CFDP1: variants seen among roughly 807,000 people sequenced by gnomAD.
CFDP1 encodes heterochromatin-stabilizing protein CFDP1.
CFDP1 carries 31 observed loss-of-function variants against 40.1 expected under a neutral mutation model. The observed-to-expected ratio is 0.77, with a 90% CI of 0.58 to 1.04. The LOEUF (loss-of-function observed/expected upper bound fraction) is 1.04. Among genes scored for constraint, CFDP1 ranks in the 50% least tolerant of loss-of-function variants. The pLI is 0.00. For synonymous variants in CFDP1, 167 were observed against 120.0 expected (o/e 1.39, Z -2.56); for missense variants, 423 against 343.4 (o/e 1.23, Z -1.83).
chr16:75,408,411 G>A (rs2079124000), intron 4 of CFDP1, among the ~76,000 whole-genome samples: 1 of 152,052 alleles, frequency 6.6e-6, no homozygotes, highest in Admixed American at 6.6e-5. Context: ...CCCAGGAGGA[G>A]TACAGTCATC....
intron 6 of CFDP1, among the ~76,000 whole-genome samples, chr16:75,299,967 G>C (rs984627929): frequency 1.3e-5 from 2 of 152,142 alleles, no homozygotes; most frequent in African/African-American, 4.8e-5. Flanking sequence ...GCTGCAGCGA[G>C]CTGGGGGAGA....
chr16:75,419,116 T>A, intron 1 of CFDP1: 2 of 369,926 alleles, frequency 5.4e-6, no homozygotes, highest in Admixed American at 2.9e-5. Flanking sequence ...AAAAAATAAA[T>A]AATAATAAAA....
intron 5 of CFDP1, among the ~76,000 whole-genome samples, chr16:75,381,835 T>C (rs1181666118): frequency 6.6e-6 from 1 of 152,128 alleles, no homozygotes; most frequent in Admixed American, 6.6e-5. Context: ...GGGAGAATCA[T>C]CAGTGTTGAA....
chr16:75,340,943 C>T (rs965988320), intron 5 of CFDP1, among the ~76,000 whole-genome samples: 1 of 152,122 alleles, frequency 6.6e-6, no homozygotes, highest in African/African-American at 2.4e-5. Context: ...TCCTGCACCT[C>T]TCAAAATTCC....
chr16:75,381,895 C>G (rs186312371), intron 5 of CFDP1, among the ~76,000 whole-genome samples: 1 of 152,038 alleles, frequency 6.6e-6, no homozygotes, highest in Non-Finnish European at 1.5e-5. Flanking sequence ...TGCATAAAGA[C>G]AAGAGGCCTA....
At chr16:75,329,233 G>C (rs1309777680) in intron 5 of CFDP1, among the ~76,000 whole-genome samples, 1 of 152,142 alleles carries the variant, frequency 6.6e-6, no homozygotes, top group African/African-American at 2.4e-5. Flanking sequence ...TGATCTGCCT[G>C]CACTGGCCTC....
intron 5 of CFDP1, among the ~76,000 whole-genome samples, chr16:75,349,682 A>AT (rs60815655): frequency 0.017 from 124 of 7,388 alleles, 14 homozygotes; most frequent in Middle Eastern, 0.071. Context: ...AAAAAAAAAA[A>AT]AAAAAAAAAT....
rs1448593773 is a variant in CFDP1, at chr16:75,412,617, T to A, written c.320A>T (p.Lys107Ile). ...EKGIGSEDAR[K>I]KKEDELWASF... The stretch of plus-strand genomic sequence containing the variant: ...GGCCCAGAGTTCGTCCTCCTTCTTT[T>A]TCCTGGCATCCTCTGATCCAATGCC... The change falls in exon 3 of 7, where the codon AAA becomes ATA. Residue 107 changes from lysine (K) to isoleucine (I), a missense_variant. Transcript: ENST00000283882. 2.5e-6 allele frequency: 4 copies of A among 1,614,132 alleles called. No homozygotes were observed. The South Asian group carries it at 3.3e-5, about 13-fold the overall frequency.
At chr16:75,383,486 C>T (rs1224373285) in intron 5 of CFDP1, among the ~76,000 whole-genome samples, 1 of 152,082 alleles carries the variant, frequency 6.6e-6, no homozygotes, top group Admixed American at 6.6e-5. Context: ...CACAAAGAAC[C>T]TAAGAGTGAA....
At chr16:75,401,923 G>A (rs2079058519) in intron 4 of CFDP1, among the ~76,000 whole-genome samples, 1 of 152,166 alleles carries the variant, frequency 6.6e-6, no homozygotes, top group African/African-American at 2.4e-5. Context: ...ATGAAAGCAA[G>A]TCATTGTAAT....
At chr16:75,299,750 C>A (rs958232891) in intron 6 of CFDP1, among the ~76,000 whole-genome samples, 1 of 152,112 alleles carries the variant, frequency 6.6e-6, no homozygotes, top group Non-Finnish European at 1.5e-5. Flanking sequence ...CAGGGACTTA[C>A]CCTGAGGTAA....
intron 5 of CFDP1, among the ~76,000 whole-genome samples, chr16:75,354,875 A>G (rs2078636222): frequency 6.6e-6 from 1 of 152,240 alleles, no homozygotes; most frequent in Non-Finnish European, 1.5e-5. Context: ...ACTGCCAAAT[A>G]TAAGATGTTA....
At chr16:75,381,366 A>C (rs1275955226) in intron 5 of CFDP1, 2 of 152,130 alleles carry the variant, frequency 1.3e-5, no homozygotes, top group Non-Finnish European at 2.9e-5. Context: ...AAAGGCAATG[A>C]GAGTGGAGAT....
rs186540736 is a variant in CFDP1, at chr16:75,396,030, G to A, written c.531-821C>T. Among the ~76,000 whole-genome samples, 116 of 102,730 alleles carry A rather than the reference G, an allele frequency of 1.1e-3. 28 individuals carry two copies. Among genetic ancestry groups the A allele is most frequent in the African/African-American group, 3.0e-3 (102 of 34,522 alleles). 67.4% of individuals were successfully genotyped at this position (102,730 alleles called of 152,430 possible). A position where few individuals can be genotyped will look rare whatever the true frequency, so the allele number is the denominator to read the frequency against. On this transcript the variant is annotated intron_variant, in intron 4 of 6. Transcript: ENST00000283882. ...TCCATCTCCCCTCCATGACTTCTCA[G>A]CATGAAACACACTGCAGCAGTCAAT...
chr16:75,375,935 G>A (rs946108733), intron 5 of CFDP1, among the ~76,000 whole-genome samples: 3 of 152,212 alleles, frequency 2.0e-5, no homozygotes, highest in South Asian at 2.1e-4. Flanking sequence ...CATTAAGACT[G>A]AGCGTTGTGG....
intron 1 of CFDP1, 107 bp downstream of exon 1, chr16:75,433,182 C>T: frequency 1.8e-6 from 2 of 1,115,148 alleles, no homozygotes; most frequent in Non-Finnish European, 2.6e-6. Flanking sequence ...ACAGGAGCCC[C>T]CCTGGACCAC....
chr16:75,424,574 T>C (rs955357008), intron 1 of CFDP1, among the ~76,000 whole-genome samples: 1 of 151,994 alleles, frequency 6.6e-6, no homozygotes, highest in African/African-American at 2.4e-5. Context: ...GCTAACACGG[T>C]GAAACCCAGT....
At chr16:75,416,713 A>C (rs1294423107) in intron 1 of CFDP1, among the ~76,000 whole-genome samples, 1 of 152,106 alleles carries the variant, frequency 6.6e-6, no homozygotes, top group Non-Finnish European at 1.5e-5. Context: ...ACACCACTGC[A>C]CTCCAGCCTG....
At chr16:75,401,036 C>T (rs1400990299) in intron 4 of CFDP1, among the ~76,000 whole-genome samples, 1 of 152,110 alleles carries the variant, frequency 6.6e-6, no homozygotes, top group Non-Finnish European at 1.5e-5. Flanking sequence ...TGGCTCACAC[C>T]TGTAATCCCA....
Sources: gnomAD v4.1 joint callset for allele counts (sites outside exome capture counted in the v4.1 genomes callset) on GRCh38, gnomAD v4.1.1 for gene constraint, MANE v1.5 for transcripts, NCBI Gene and HGNC (gene_info 2026-07-23, HGNC 2026-07-21) for gene names.